The following CTNNA3 variants were observed in gnomAD, a reference collection of about 807,000 sequenced individuals.
CTNNA3 encodes catenin alpha 3.
In CTNNA3, 76 loss-of-function variants were observed where a neutral mutation model predicts 95.7. The ratio of observed to expected loss-of-function variants is 0.79; its 90% CI spans 0.66 to 0.96. The LOEUF (loss-of-function observed/expected upper bound fraction) is 0.96. Ranked by LOEUF, CTNNA3 falls within the 40% of genes least tolerant of loss-of-function variation. CTNNA3 has a pLI of 0.00. For synonymous variants in CTNNA3, 431 were observed against 374.4 expected (o/e 1.15, Z -1.74); for missense variants, 1,191 against 1,089.8 (o/e 1.09, Z -1.31).
intron 3 of CTNNA3, among the ~76,000 whole-genome samples, chr10:67,579,199 C>T (rs1255776853): frequency 2.8e-4 from 26 of 93,206 alleles, no homozygotes; most frequent in African/African-American, 1.3e-3. Flanking sequence ...GCTATCCATC[C>T]CCCCTCCCCC....
chr10:66,433,034 G>A (rs1044170562), intron 11 of CTNNA3, among the ~76,000 whole-genome samples: 1 of 152,006 alleles, frequency 6.6e-6, no homozygotes, highest in Non-Finnish European at 1.5e-5. Flanking sequence ...ACATTTTCTT[G>A]AGCCAGTCTA....
chr10:67,132,885 A>C (rs1860092370), intron 7 of CTNNA3, among the ~76,000 whole-genome samples: 1 of 152,032 alleles, frequency 6.6e-6, no homozygotes, highest in Non-Finnish European at 1.5e-5. Flanking sequence ...GGACATAGAA[A>C]AAAGGACCAT....
chr10:66,957,271 T>G (rs576008245), intron 7 of CTNNA3, among the ~76,000 whole-genome samples: 1 of 151,982 alleles, frequency 6.6e-6, no homozygotes, highest in Admixed American at 6.6e-5. Flanking sequence ...CATTTTTTCC[T>G]AAATTTACTA....
chr10:66,641,327 T>C (rs1275425196), intron 9 of CTNNA3, among the ~76,000 whole-genome samples: 2 of 152,170 alleles, frequency 1.3e-5, no homozygotes, highest in African/African-American at 4.8e-5. Flanking sequence ...TTCCATGTTG[T>C]AGCATATTGC....
At chr10:66,380,638 T>A (rs1275626729) in intron 11 of CTNNA3, among the ~76,000 whole-genome samples, 1 of 137,160 alleles carries the variant, frequency 7.3e-6, no homozygotes, top group African/African-American at 3.0e-5. Flanking sequence ...TATATATATA[T>A]ATATTAAATT....
At chr10:67,164,717 A>C (rs1278418333) in intron 7 of CTNNA3, among the ~76,000 whole-genome samples, 1 of 152,198 alleles carries the variant, frequency 6.6e-6, no homozygotes, top group Non-Finnish European at 1.5e-5. Flanking sequence ...ATCCTATTAG[A>C]AAATAGGCAA....
intron 7 of CTNNA3, among the ~76,000 whole-genome samples, chr10:67,087,445 G>A (rs1249340724): frequency 6.6e-6 from 1 of 151,644 alleles, no homozygotes; most frequent in Admixed American, 6.6e-5. Flanking sequence ...ATTAAGGGAT[G>A]ATTATCTTAT....
At chr10:67,310,451 G>A (rs988306269) in intron 5 of CTNNA3, among the ~76,000 whole-genome samples, 24 of 151,964 alleles carry the variant, frequency 1.6e-4, no homozygotes, top group African/African-American at 5.8e-4. Flanking sequence ...ATTTGTAAGA[G>A]GAAAAAATCA....
At chr10:67,604,404 T>G in intron 3 of CTNNA3, among the ~76,000 whole-genome samples, 1 of 152,192 alleles carries the variant, frequency 6.6e-6, no homozygotes, top group East Asian at 1.9e-4. Flanking sequence ...TTGAACTTTA[T>G]TGAAAAAGAT....
chr10:66,720,892 C>T (rs1848607528), intron 9 of CTNNA3, among the ~76,000 whole-genome samples: 1 of 152,126 alleles, frequency 6.6e-6, no homozygotes, highest in Admixed American at 6.5e-5. Context: ...GCCTCTGAGG[C>T]CCCAACTTCC....
At chr10:67,745,910 G>T (rs994884103) in intron 1 of CTNNA3, among the ~76,000 whole-genome samples, 2 of 152,072 alleles carry the variant, frequency 1.3e-5, no homozygotes, top group Admixed American at 1.3e-4. Flanking sequence ...AGACACTGAT[G>T]AAAGAAATTG....
At chr10:67,156,929 T>C (rs1861336673) in intron 7 of CTNNA3, among the ~76,000 whole-genome samples, 1 of 152,128 alleles carries the variant, frequency 6.6e-6, no homozygotes, top group Non-Finnish European at 1.5e-5. Flanking sequence ...TTTCCTTCAG[T>C]TCTGTTAATA....
intron 9 of CTNNA3, among the ~76,000 whole-genome samples, chr10:66,758,849 C>T (rs1839482468): frequency 6.6e-6 from 1 of 152,070 alleles, no homozygotes; most frequent in Admixed American, 6.6e-5. Flanking sequence ...GCAGGAGAAT[C>T]TCTTGAATCC....
chr10:66,697,259 T>G (rs1469855942), intron 9 of CTNNA3, among the ~76,000 whole-genome samples: 1 of 149,422 alleles, frequency 6.7e-6, no homozygotes, highest in Non-Finnish European at 1.5e-5. Context: ...TATATCTATA[T>G]ATATATAGAT....
At chr10:67,633,568 T>C (rs1839213086) in intron 2 of CTNNA3, among the ~76,000 whole-genome samples, 1 of 152,062 alleles carries the variant, frequency 6.6e-6, no homozygotes, top group Non-Finnish European at 1.5e-5. Flanking sequence ...CCTTCACTGG[T>C]GATACTTCCA....
At chr10:67,084,387 A>T (rs1013201613) in intron 7 of CTNNA3, among the ~76,000 whole-genome samples, 5 of 151,984 alleles carry the variant, frequency 3.3e-5, no homozygotes, top group Admixed American at 3.3e-4. Context: ...ATATTATCTA[A>T]TTGACTATCA....
Position 66,266,221 on chromosome 10 carries a change from TC to T in CTNNA3, c.1884+14248del, listed in dbSNP as rs200688509. On this transcript the variant is annotated intron_variant, in intron 13 of 17. Transcript: ENST00000433211. ...AAGTAAGGCAAGTGTGATAATCCCCTCCCTTGTATATTAGAACACCATGTAA... is the reference window on the plus strand; with the variant it reads ...AAGTAAGGCAAGTGTGATAATCCCCTCCTTGTATATTAGAACACCATGTAA... Among the ~76,000 whole-genome samples the T allele has an allele frequency of 6.5e-4, 98 of 151,722 alleles. 1 individual carries two copies. In the East Asian group the frequency reaches 0.013, roughly 21 times the overall value.
chr10:67,043,994 T>C (rs979442635), intron 7 of CTNNA3, among the ~76,000 whole-genome samples: 1 of 146,302 alleles, frequency 6.8e-6, no homozygotes, highest in African/African-American at 2.5e-5. Context: ...TTTGTTACAT[T>C]GATACACTGT....
intron 7 of CTNNA3, among the ~76,000 whole-genome samples, chr10:66,998,123 C>T (rs1314977425): frequency 6.6e-6 from 1 of 152,192 alleles, no homozygotes; most frequent in Non-Finnish European, 1.5e-5. Flanking sequence ...CATTCCCCTA[C>T]ATAAATAAGA....
Sources: allele counts gnomAD v4.1 joint callset (sites outside exome capture counted in the v4.1 genomes callset), GRCh38; gene constraint gnomAD v4.1.1; transcripts MANE v1.5; gene names NCBI Gene and HGNC (gene_info 2026-07-23, HGNC 2026-07-21).